The following RBFOX1 variants were observed in gnomAD, a reference collection of about 807,000 sequenced individuals.
RBFOX1 encodes RNA binding fox-1 homolog 1.
RBFOX1 carries 8 observed loss-of-function variants against 57.7 expected under a neutral mutation model. The observed-to-expected ratio is 0.14, with a 90% confidence interval of 0.08 to 0.25. RBFOX1 has a LOEUF of 0.25. Among genes scored for constraint, RBFOX1 ranks in the 10% least tolerant of loss-of-function variants. RBFOX1 has a pLI of 1.00. For synonymous variants in RBFOX1, 326 were observed against 222.4 expected (o/e 1.47, Z -4.15); for missense variants, 611 against 548.5 (o/e 1.11, Z -1.14).
At chr16:6,900,548 C>G (rs116283777) in intron 3 of RBFOX1, among the ~76,000 whole-genome samples, 1,921 of 152,294 alleles carry the variant, frequency 0.013, 39 homozygotes, top group African/African-American at 0.044. Flanking sequence ...ATCTGCTTCT[C>G]CCCTTACTCA....
intron 14 of RBFOX1, among the ~76,000 whole-genome samples, chr16:7,707,745 C>A (rs909914757): frequency 6.6e-6 from 1 of 152,196 alleles, no homozygotes; most frequent in Non-Finnish European, 1.5e-5. Flanking sequence ...AACCCACTTG[C>A]CTCTAGGTGG....
At chr16:6,525,466 T>A (rs2096565572) in intron 2 of RBFOX1, among the ~76,000 whole-genome samples, 1 of 152,226 alleles carries the variant, frequency 6.6e-6, no homozygotes, top group African/African-American at 2.4e-5. Flanking sequence ...TGAAGATGTT[T>A]GTGCTCAAGT....
intron 3 of RBFOX1, among the ~76,000 whole-genome samples, chr16:5,747,732 C>G (rs1039806833): frequency 1.3e-5 from 2 of 152,102 alleles, no homozygotes; most frequent in African/African-American, 4.8e-5. Context: ...TCCGCTTTAT[C>G]ATTATTTATT....
chr16:7,464,509 G>A (rs2060138186), intron 4 of RBFOX1, among the ~76,000 whole-genome samples: 1 of 151,926 alleles, frequency 6.6e-6, no homozygotes, highest in South Asian at 2.1e-4. Context: ...AAGGCCTATT[G>A]GACCTCTTTT....
chr16:6,835,176 C>G (rs2092999721), intron 3 of RBFOX1, among the ~76,000 whole-genome samples: 1 of 152,120 alleles, frequency 6.6e-6, no homozygotes. Context: ...GTTGGGATCA[C>G]AGGCGTGAGC....
intron 3 of RBFOX1, among the ~76,000 whole-genome samples, chr16:6,850,658 C>G (rs1431190829): frequency 6.6e-6 from 1 of 152,158 alleles, no homozygotes; most frequent in Non-Finnish European, 1.5e-5. Flanking sequence ...TTTCTACCTT[C>G]TTTCATTTTA....
At chr16:5,881,817 C>T (rs1184230157) in intron 4 of RBFOX1, among the ~76,000 whole-genome samples, 2 of 152,134 alleles carry the variant, frequency 1.3e-5, no homozygotes, top group Non-Finnish European at 2.9e-5. Context: ...ATGTATTTTG[C>T]AGAAAGTAAT....
At chr16:5,929,010 G>C (rs2058993097) in intron 4 of RBFOX1, among the ~76,000 whole-genome samples, 1 of 140,528 alleles carries the variant, frequency 7.1e-6, no homozygotes, top group African/African-American at 2.7e-5. Context: ...CACTTTCAAA[G>C]TGTTTAAAGC....
intron 5 of RBFOX1, among the ~76,000 whole-genome samples, chr16:7,543,936 G>C (rs1009465834): frequency 1.4e-4 from 21 of 152,068 alleles, no homozygotes; most frequent in African/African-American, 4.8e-4. Flanking sequence ...GGCCAGGATG[G>C]TCTCGATCTC....
chr16:7,004,691 C>T (rs1047531366), intron 3 of RBFOX1, among the ~76,000 whole-genome samples: 1 of 152,126 alleles, frequency 6.6e-6, no homozygotes, highest in Non-Finnish European at 1.5e-5. Context: ...ATACAAAAGC[C>T]ACATCATAAC....
chr16:6,904,598 C>CAAAAAAAAAAAAAAAAAAAA (rs2069311907), intron 3 of RBFOX1, among the ~76,000 whole-genome samples: 1 of 45,862 alleles, frequency 2.2e-5, no homozygotes, highest in Admixed American at 3.8e-4. Flanking sequence ...GAGACTCTCT[C>CAAAAAAAAAAAAAAAAAAAA]TAAAAAAAAA....
intron 2 of RBFOX1, among the ~76,000 whole-genome samples, chr16:6,540,545 G>A (rs1240953754): frequency 2.7e-5 from 4 of 147,634 alleles, no homozygotes; most frequent in Middle Eastern, 3.6e-3. Context: ...CTGGGAGGCC[G>A]AGGTTGCAGT....
intron 2 of RBFOX1, among the ~76,000 whole-genome samples, chr16:6,576,430 AT>A (rs1200639160): frequency 6.6e-6 from 1 of 152,150 alleles, no homozygotes; most frequent in East Asian, 1.9e-4. Flanking sequence ...TGGGAATCAG[AT>A]TTTTTTCTTA....
chr16:5,344,615 C>T (rs2065101581), intron 1 of RBFOX1, among the ~76,000 whole-genome samples: 1 of 152,158 alleles, frequency 6.6e-6, no homozygotes, highest in Non-Finnish European at 1.5e-5. Context: ...CCTCCCCCGG[C>T]TGTGAGGACA....
intron 4 of RBFOX1, among the ~76,000 whole-genome samples, chr16:5,907,271 C>A (rs567969963): frequency 1.3e-5 from 2 of 151,780 alleles, no homozygotes; most frequent in African/African-American, 2.4e-5. Context: ...GTGGAGTTCT[C>A]ATCCTGCCTC....
At chr16:5,575,332 G>A (rs956046607) in intron 2 of RBFOX1, among the ~76,000 whole-genome samples, 1 of 152,016 alleles carries the variant, frequency 6.6e-6, no homozygotes, top group Admixed American at 6.5e-5. Context: ...CTTCATTAGC[G>A]TCATCATCAC....
At chr16:5,834,539 T>A in intron 3 of RBFOX1, among the ~76,000 whole-genome samples, 1 of 152,010 alleles carries the variant, frequency 6.6e-6, no homozygotes. Flanking sequence ...ATATTTGCAA[T>A]TGTGAATGTG....
In RBFOX1 at chr16:6,737,744, G is replaced by T. The variant is rs567483553; in HGVS notation, c.-16+83094G>T. Among the ~76,000 whole-genome samples, 20 of 152,210 alleles carry T rather than the reference G, an allele frequency of 1.3e-4. No individual in the cohort carries two copies. The South Asian group carries it at 3.5e-3, about 27-fold the overall frequency. On this transcript the variant is annotated intron_variant, in intron 3 of 15. Coordinates refer to ENST00000550418, the MANE Select transcript of RBFOX1 (RefSeq NM_018723.4). ...GTCTAGGTACACAAATGATATATGG[G>T]ATTTAAATAATAGTCCATTTATTAA...
chr16:5,325,136 G>C (rs1406572891), intron 1 of RBFOX1, among the ~76,000 whole-genome samples: 2 of 152,290 alleles, frequency 1.3e-5, no homozygotes, highest in African/African-American at 4.8e-5. Context: ...AAGAAGCGCT[G>C]CTCTACAACA....
Sources: allele counts gnomAD v4.1 joint callset (sites outside exome capture counted in the v4.1 genomes callset), GRCh38; gene constraint gnomAD v4.1.1; transcripts MANE v1.5; gene names NCBI Gene and HGNC (gene_info 2026-07-23, HGNC 2026-07-21).